ABHD2: variants seen among roughly 807,000 people sequenced by gnomAD.
The protein encoded by ABHD2 is monoacylglycerol lipase ABHD2.
A neutral mutation model predicts 48.1 loss-of-function variants in ABHD2; 20 were observed. The ratio of observed to expected loss-of-function variants is 0.42; its 90% CI spans 0.29 to 0.60. ABHD2 has a LOEUF of 0.60. Ranked by LOEUF, ABHD2 falls within the 20% of genes least tolerant of loss-of-function variation. The pLI is 0.24. For synonymous variants in ABHD2, 209 were observed against 214.2 expected (o/e 0.98, Z 0.21); for missense variants, 405 against 550.9 (o/e 0.74, Z 2.65).
intron 9 of ABHD2, among the ~76,000 whole-genome samples, chr15:89,192,852 G>A (rs2051329769): frequency 6.6e-6 from 1 of 152,136 alleles, no homozygotes; most frequent in Non-Finnish European, 1.5e-5. Context: ...CCCAGCCTTG[G>A]CCTAGATTCC....
In ABHD2 at chr15:89,188,330, C is replaced by G; in HGVS notation, c.926+27C>G. On this transcript the variant is annotated intron_variant, in intron 8 of 10. Transcript: ENST00000352732. The surrounding 1 kb of genome is among the most constrained non-coding windows in gnomAD (Gnocchi z 4.1). ...TGTGTCCGCGCAGGCGGGAGAGGGA[C>G]GCTCTGGGGCAGGGTGCCAGGCAGG... 1 of 1,604,288 alleles carries G rather than the reference C, an allele frequency of 6.2e-7. No individual in the cohort carries two copies. The highest frequency in any genetic ancestry group is 8.5e-7 in the Non-Finnish European group (1 of 1,171,780).
At chr15:89,076,293 G>A in the ABHD2 span, among the ~76,000 whole-genome samples, 2 of 152,120 alleles carry the variant, frequency 1.3e-5, no homozygotes, top group Non-Finnish European at 2.9e-5. Flanking sequence ...ATCAATCCAT[G>A]GCCAATCTTT....
At chr15:89,058,754 C>T in the ABHD2 span, among the ~76,000 whole-genome samples, 1 of 152,184 alleles carries the variant, frequency 6.6e-6, no homozygotes, top group South Asian at 2.1e-4. Context: ...AAAGACCTCA[C>T]TCTTCAGACA....
intron 7 of ABHD2, among the ~76,000 whole-genome samples, chr15:89,187,554 C>G (rs1288226784): frequency 6.6e-6 from 1 of 151,968 alleles, no homozygotes; most frequent in African/African-American, 2.4e-5. Context: ...GAAGAGAGGT[C>G]AAAAATGCAC....
In ABHD2 at chr15:89,195,120, G is replaced by C. The variant is rs2051375831; in HGVS notation, c.1082-107G>C. The C allele has an allele frequency of 7.6e-7, 1 of 1,322,828 alleles. No homozygotes were observed. 81.9% of individuals were successfully genotyped at this position (1,322,828 alleles called of 1,614,324 possible). On this transcript the variant is annotated intron_variant, in intron 10 of 10. Coordinates refer to ENST00000352732, the MANE Select transcript of ABHD2 (RefSeq NM_152924.5). This position sits in a 1 kb window ranked among gnomAD's most constrained non-coding sequence, Gnocchi z 5.1. ...GAGTAGAGGTTGGATGCCCACTTAG[G>C]TGACCCTGCGGGGACAGCCAGGCTA...
chr15:89,150,466 C>T (rs1226286452), intron 3 of ABHD2, among the ~76,000 whole-genome samples: 3 of 152,184 alleles, frequency 2.0e-5, no homozygotes, highest in Non-Finnish European at 4.4e-5. Flanking sequence ...GTGATATTTG[C>T]ACCTGTGGTG....
chr15:89,050,202 A>T, the ABHD2 span, among the ~76,000 whole-genome samples: 3 of 152,194 alleles, frequency 2.0e-5, no homozygotes, highest in African/African-American at 7.2e-5. Context: ...CTGTCTCCCT[A>T]GTAGACCCCA....
At chr15:89,118,766 T>C (rs2050002209) in intron 3 of ABHD2, among the ~76,000 whole-genome samples, 1 of 152,206 alleles carries the variant, frequency 6.6e-6, no homozygotes, top group African/African-American at 2.4e-5. Flanking sequence ...TACTAATTGT[T>C]CAAAGTGTAA....
the ABHD2 span, among the ~76,000 whole-genome samples, chr15:89,072,296 C>T: frequency 1.7e-4 from 26 of 152,008 alleles, no homozygotes; most frequent in South Asian, 3.1e-3. Flanking sequence ...ACCAACATGG[C>T]GAAACCCTGT....
the ABHD2 span, among the ~76,000 whole-genome samples, chr15:89,063,823 TG>T: frequency 3.3e-5 from 5 of 152,088 alleles, no homozygotes; most frequent in East Asian, 9.6e-4. Flanking sequence ...ACTGGTTTCA[TG>T]GAAGACAATT....
intron 3 of ABHD2, among the ~76,000 whole-genome samples, chr15:89,123,342 T>G (rs1484713877): frequency 1.3e-5 from 2 of 152,200 alleles, no homozygotes; most frequent in African/African-American, 4.8e-5. Flanking sequence ...GAAATCCAAT[T>G]GGAATGCTGT....
intron 1 of ABHD2, among the ~76,000 whole-genome samples, chr15:89,093,056 C>T (rs1901658659): frequency 6.6e-6 from 1 of 151,884 alleles, no homozygotes; most frequent in South Asian, 2.1e-4. Flanking sequence ...CCCTTCTTCG[C>T]CTTGCCGTCT....
chr15:89,141,589 C>T (rs189348987), intron 3 of ABHD2, among the ~76,000 whole-genome samples: 1 of 152,206 alleles, frequency 6.6e-6, no homozygotes, highest in African/African-American at 2.4e-5. Flanking sequence ...GCAGAGATCA[C>T]GCCACTGCAC....
rs1451975155 is a variant in ABHD2, at chr15:89,106,609, T to C, written c.-106-7116T>C. ...TGGCTAGGCCTTCTCCCCAAAATCA[T>C]CTGGGCTTGTTTTCGTCCCTGCAGA... On this transcript the variant is annotated intron_variant, in intron 1 of 10. Coordinates refer to ENST00000352732, the MANE Select transcript of ABHD2 (RefSeq NM_152924.5). The surrounding 1 kb of genome is among the most constrained non-coding windows in gnomAD (Gnocchi z 4.2). Among the ~76,000 whole-genome samples the C allele has an allele frequency of 6.6e-6, 1 of 152,188 alleles. No individual in the cohort carries two copies. Among genetic ancestry groups the C allele is most frequent in the Non-Finnish European group, 1.5e-5 (1 of 68,034 alleles).
the ABHD2 span, among the ~76,000 whole-genome samples, chr15:89,065,524 C>G: frequency 6.6e-6 from 1 of 152,070 alleles, no homozygotes; most frequent in Non-Finnish European, 1.5e-5. Flanking sequence ...AAAATTAATG[C>G]CAAACACTCC....
intron 3 of ABHD2, among the ~76,000 whole-genome samples, chr15:89,142,081 C>G (rs2050411890): frequency 6.6e-6 from 1 of 152,102 alleles, no homozygotes; most frequent in South Asian, 2.1e-4. Context: ...TCCAAATAAG[C>G]CCTGGACGCA....
At chr15:89,180,322 ATTCC>A (rs1188652559) in intron 6 of ABHD2, among the ~76,000 whole-genome samples, 1 of 152,072 alleles carries the variant, frequency 6.6e-6, no homozygotes, top group Non-Finnish European at 1.5e-5. Flanking sequence ...ACTCTAACTC[ATTCC>A]TGTAAAAGTA....
chr15:89,098,296 T>C (rs2049646147), intron 1 of ABHD2, among the ~76,000 whole-genome samples: 1 of 152,228 alleles, frequency 6.6e-6, no homozygotes, highest in Non-Finnish European at 1.5e-5. Context: ...CCTAGGATTA[T>C]GTGATTGTGC....
chr15:89,195,208 A>G lies in ABHD2; in HGVS notation c.1082-19A>G, dbSNP rs747392258. The G allele has an allele frequency of 9.9e-6, 16 of 1,608,256 alleles. No homozygotes were observed. The highest frequency in any genetic ancestry group is 1.3e-5 in the Non-Finnish European group (15 of 1,176,454). On this transcript the variant is annotated intron_variant, in intron 10 of 10. Coordinates refer to ENST00000352732, the MANE Select transcript of ABHD2 (RefSeq NM_152924.5). The surrounding 1 kb of genome is among the most constrained non-coding windows in gnomAD (Gnocchi z 5.1). Reference sequence around the variant, plus strand: ...CAAACTAGAGAACAGTAACTCACTCAGCTGCGTTTCCCCTGCAGAGAAACG... The same window carrying G: ...CAAACTAGAGAACAGTAACTCACTCGGCTGCGTTTCCCCTGCAGAGAAACG...
Sources: allele counts gnomAD v4.1 joint callset (sites outside exome capture counted in the v4.1 genomes callset), GRCh38; gene constraint gnomAD v4.1.1; non-coding constraint Gnocchi (gnomAD v3.1); transcripts MANE v1.5; gene names NCBI Gene and HGNC (gene_info 2026-07-23, HGNC 2026-07-21).